The following DPP10 variants were observed in gnomAD, a reference collection of about 807,000 sequenced individuals.
DPP10 encodes dipeptidyl peptidase like 10.
Under a neutral mutation model 120.9 loss-of-function variants are expected in DPP10, and 33 were observed. That is an observed-to-expected ratio of 0.27 (90% CI 0.21 to 0.37). DPP10 has a LOEUF of 0.37. Among genes scored for constraint, DPP10 ranks in the 10% least tolerant of loss-of-function variants. The pLI, the probability that DPP10 is intolerant of heterozygous loss-of-function variation, is 1.00. For synonymous variants in DPP10, 337 were observed against 326.1 expected (o/e 1.03, Z -0.36); for missense variants, 816 against 942.8 (o/e 0.87, Z 1.76).
chr2:115,304,396 T>C (rs1273746975), intron 1 of DPP10, among the ~76,000 whole-genome samples: 1 of 152,048 alleles, frequency 6.6e-6, no homozygotes, highest in Non-Finnish European at 1.5e-5. Flanking sequence ...ACTCTAGGGC[T>C]AAAAACCCAA....
At chr2:115,654,158 C>T (rs2088067601) in intron 5 of DPP10, among the ~76,000 whole-genome samples, 1 of 151,700 alleles carries the variant, frequency 6.6e-6, no homozygotes, top group African/African-American at 2.4e-5. Flanking sequence ...CCTGCTTCCC[C>T]CATCCCCTGC....
chr2:115,834,223 A>C (rs1338108956), intron 21 of DPP10, among the ~76,000 whole-genome samples: 2 of 152,184 alleles, frequency 1.3e-5, no homozygotes, highest in Non-Finnish European at 2.9e-5. Flanking sequence ...CCAATTTTTA[A>C]ATGATGCTCC....
At chr2:114,662,173 G>A (rs1656637372) in intron 1 of DPP10, among the ~76,000 whole-genome samples, 1 of 152,212 alleles carries the variant, frequency 6.6e-6, no homozygotes, top group Non-Finnish European at 1.5e-5. Flanking sequence ...CGAACGGTGC[G>A]TGATGGAGGC....
chr2:114,749,578 A>ATTTTATTTTATTTTATTTTATTTTG, intron 1 of DPP10, among the ~76,000 whole-genome samples: 1 of 148,318 alleles, frequency 6.7e-6, no homozygotes, highest in Non-Finnish European at 1.5e-5. Context: ...ATTTTATTTT[A>ATTTTATTTTATTTTATTTTATTTTG]TTTTATTTTA....
At chr2:114,938,703 G>C (rs898403058) in intron 1 of DPP10, among the ~76,000 whole-genome samples, 2 of 144,104 alleles carry the variant, frequency 1.4e-5, no homozygotes, top group African/African-American at 5.1e-5. Context: ...TCTTCCTTTT[G>C]CAAATTGCCC....
At chr2:115,254,922 T>C (rs768665591) in intron 1 of DPP10, among the ~76,000 whole-genome samples, 4 of 152,162 alleles carry the variant, frequency 2.6e-5, no homozygotes, top group Non-Finnish European at 5.9e-5. Context: ...GCTGGCGTTG[T>C]CTGTGGCTTT....
In DPP10 at chr2:115,194,556, CA is replaced by C. The variant is rs376724144; in HGVS notation, c.61-114682del. ...TGGCTGCTTGAGGGGAAAGCTAGGA[CA>C]GGGGCAGTTACTAATAGATGTTTCA... On this transcript the variant is annotated intron_variant, in intron 1 of 25. Coordinates refer to ENST00000410059, the MANE Select transcript of DPP10 (RefSeq NM_020868.6). Among the ~76,000 whole-genome samples the C allele has an allele frequency of 7.2e-5, 11 of 152,222 alleles. No homozygotes were observed. In the East Asian group the frequency reaches 2.1e-3, roughly 30 times the overall value.
At chr2:115,361,919 C>G (rs2106355412) in intron 3 of DPP10, among the ~76,000 whole-genome samples, 1 of 152,034 alleles carries the variant, frequency 6.6e-6, no homozygotes, top group East Asian at 1.9e-4. Context: ...ATGTTGGCCC[C>G]CCAACTCCAA....
At chr2:115,329,054 A>G (rs2062543652) in intron 2 of DPP10, among the ~76,000 whole-genome samples, 1 of 152,070 alleles carries the variant, frequency 6.6e-6, no homozygotes, top group Non-Finnish European at 1.5e-5. Flanking sequence ...AACTTCTTGC[A>G]GATTATGCTT....
intron 3 of DPP10, among the ~76,000 whole-genome samples, chr2:115,350,915 G>C (rs1559468506): frequency 6.6e-6 from 1 of 152,026 alleles, no homozygotes; most frequent in Non-Finnish European, 1.5e-5. Flanking sequence ...TGCCTATATG[G>C]TGTTGCTGGA....
intron 21 of DPP10, among the ~76,000 whole-genome samples, chr2:115,831,120 A>G (rs1688877215): frequency 6.6e-6 from 1 of 152,350 alleles, no homozygotes; most frequent in African/African-American, 2.4e-5. Flanking sequence ...AAAATAATAG[A>G]GTGTAATAAA....
At chr2:114,789,775 AG>A (rs1438006578) in intron 1 of DPP10, among the ~76,000 whole-genome samples, 2 of 152,248 alleles carry the variant, frequency 1.3e-5, no homozygotes, top group Non-Finnish European at 2.9e-5. Flanking sequence ...TAATGACCCA[AG>A]GCAGTGTGAT....
At chr2:115,064,108 T>G (rs1706646059) in intron 1 of DPP10, among the ~76,000 whole-genome samples, 1 of 152,200 alleles carries the variant, frequency 6.6e-6, no homozygotes, top group Non-Finnish European at 1.5e-5. Flanking sequence ...TAGCTAGATA[T>G]GGGATTGTTG....
intron 1 of DPP10, among the ~76,000 whole-genome samples, chr2:115,177,867 C>T (rs1387733453): frequency 6.6e-6 from 1 of 152,004 alleles, no homozygotes; most frequent in Admixed American, 6.6e-5. Flanking sequence ...AGGTTCATGC[C>T]ATTCTCCTGC....
At chr2:115,840,649 T>C in intron 24 of DPP10, 101 bp from the exon 25 acceptor site, 5 of 1,207,926 alleles carry the variant, frequency 4.1e-6, no homozygotes, top group Middle Eastern at 2.8e-4. Flanking sequence ...AAATGTGCAA[T>C]GTATGTAAAA....
chr2:115,666,962 G>T (rs1477680423), intron 5 of DPP10, among the ~76,000 whole-genome samples: 1 of 152,054 alleles, frequency 6.6e-6, no homozygotes, highest in East Asian at 1.9e-4. Context: ...ACTGGTATGA[G>T]ATGACTGGAA....
chr2:115,253,463 C>G (rs1353883658), intron 1 of DPP10, among the ~76,000 whole-genome samples: 1 of 152,084 alleles, frequency 6.6e-6, no homozygotes, highest in African/African-American at 2.4e-5. Flanking sequence ...TCCAAAGTTC[C>G]ATCTGAGACA....
At chr2:115,786,014 A>G (rs1683304920) in intron 17 of DPP10, among the ~76,000 whole-genome samples, 1 of 152,282 alleles carries the variant, frequency 6.6e-6, no homozygotes, top group Non-Finnish European at 1.5e-5. Context: ...TAAACATGTA[A>G]AAAACCTCTT....
At position 115,722,974 on chromosome 2, in the gene DPP10, G is replaced by A. The variant is rs1036993487; in HGVS notation, c.577-4842G>A. ...GGCAGGACCCCGGGCTTACACTCCC[G>A]TCACCACTGCCACTGAGGTCCTATT... On this transcript the variant is annotated intron_variant, in intron 7 of 25. Transcript: ENST00000410059. Among the ~76,000 whole-genome samples, 5 of 152,134 alleles carry A rather than the reference G, an allele frequency of 3.3e-5. No homozygotes were observed. In the East Asian group the frequency reaches 5.8e-4, roughly 18 times the overall value.
Sources: gnomAD v4.1 joint callset for allele counts (sites outside exome capture counted in the v4.1 genomes callset) on GRCh38, gnomAD v4.1.1 for gene constraint, MANE v1.5 for transcripts, NCBI Gene and HGNC (gene_info 2026-07-23, HGNC 2026-07-21) for gene names.